The following PCDH9 variants were observed in gnomAD, a reference collection of about 807,000 sequenced individuals.
PCDH9 encodes protocadherin 9.
In PCDH9, 24 loss-of-function variants were observed where a neutral mutation model predicts 70.6. That is an observed-to-expected ratio of 0.34 (90% CI 0.25 to 0.48). The LOEUF (loss-of-function observed/expected upper bound fraction) is 0.48, where lower values mean the gene tolerates loss of function less well. PCDH9 is among the 20% of genes least tolerant of loss of function. The pLI is 0.99. For missense variants in PCDH9, 1,281 were observed against 1,503.6 expected, an observed-to-expected ratio of 0.85 and a Z score of 2.45; for synonymous variants, 562 against 558.5, an observed-to-expected ratio of 1.01 and a Z score of -0.09.
intron 2 of PCDH9, among the ~76,000 whole-genome samples, chr13:67,110,442 A>T (rs2086635520): frequency 7.4e-6 from 1 of 134,910 alleles, no homozygotes; most frequent in African/African-American, 2.8e-5. Context: ...TGAACCCAGG[A>T]GGCTGAGGTT....
intron 3 of PCDH9, among the ~76,000 whole-genome samples, chr13:66,739,532 A>C (rs2079219579): frequency 7.0e-6 from 1 of 143,806 alleles, no homozygotes; most frequent in South Asian, 2.3e-4. Flanking sequence ...CTCCAATTAA[A>C]AGACACAGAC....
At chr13:66,584,703 T>C (rs564250485) in intron 4 of PCDH9, among the ~76,000 whole-genome samples, 105 of 152,302 alleles carry the variant, frequency 6.9e-4, no homozygotes, top group African/African-American at 2.3e-3. Flanking sequence ...TGACTAGTAA[T>C]TCAAACAGCA....
At chr13:66,746,016 A>G (rs905398578) in intron 3 of PCDH9, among the ~76,000 whole-genome samples, 1 of 152,196 alleles carries the variant, frequency 6.6e-6, no homozygotes, top group African/African-American at 2.4e-5. Context: ...CAGAAATACT[A>G]CTACCAACAT....
intron 2 of PCDH9, among the ~76,000 whole-genome samples, chr13:67,161,829 AGT>A (rs1224340428): frequency 6.6e-6 from 1 of 152,196 alleles, no homozygotes; most frequent in Non-Finnish European, 1.5e-5. Flanking sequence ...TCTTACCATT[AGT>A]CTCCCAACTA....
Position 67,225,767 on chromosome 13 carries a change from G to A in PCDH9, c.2674C>T (p.Pro892Ser). The change falls in exon 2 of 5, where the codon CCC becomes TCC. Residue 892 changes from proline (P) to serine (S), a missense_variant. By Grantham distance (74) the Pro-to-Ser change is moderately conservative (BLOSUM62 -1). Coordinates refer to ENST00000377865, the MANE Select transcript of PCDH9 (RefSeq NM_203487.3). ...LNFVTIEESK[P>S]DDAVHEPING... ...ATAGGTTCATGAACTGCATCATCGGGTTTGGACTCTTCGATAGTAACAAAG... is the reference window on the plus strand; with the variant it reads ...ATAGGTTCATGAACTGCATCATCGGATTTGGACTCTTCGATAGTAACAAAG... 1 of 1,614,104 alleles carries A rather than the reference G, an allele frequency of 6.2e-7. No individual in the cohort carries two copies. The highest frequency in any genetic ancestry group is 1.1e-5 in the South Asian group (1 of 91,078).
chr13:66,921,341 G>A (rs189867491), intron 2 of PCDH9, among the ~76,000 whole-genome samples: 1 of 151,244 alleles, frequency 6.6e-6, no homozygotes, highest in Non-Finnish European at 1.5e-5. Flanking sequence ...GTGAGAGAAA[G>A]GGTATTTTTA....
chr13:66,928,075 C>G (rs1431926296), intron 2 of PCDH9, among the ~76,000 whole-genome samples: 1 of 152,094 alleles, frequency 6.6e-6, no homozygotes, highest in Non-Finnish European at 1.5e-5. Flanking sequence ...CATATTTCCT[C>G]TCTCTGAAGA....
At chr13:67,030,489 C>T (rs537038811) in intron 2 of PCDH9, among the ~76,000 whole-genome samples, 1 of 151,908 alleles carries the variant, frequency 6.6e-6, no homozygotes, top group South Asian at 2.1e-4. Flanking sequence ...CCCCCACCAC[C>T]GACCCCCACC....
chr13:66,849,464 C>T (rs2081272288), intron 3 of PCDH9, among the ~76,000 whole-genome samples: 1 of 136,436 alleles, frequency 7.3e-6, no homozygotes, highest in African/African-American at 2.8e-5. Context: ...CAATATATGA[C>T]ATCTATGACA....
intron 3 of PCDH9, among the ~76,000 whole-genome samples, chr13:66,723,928 C>T (rs1209976333): frequency 4.6e-5 from 7 of 152,096 alleles, no homozygotes; most frequent in Admixed American, 6.6e-5. Flanking sequence ...AAGGATAGTC[C>T]TTTAAAATGT....
At chr13:66,515,830 T>C (rs1959705415) in intron 4 of PCDH9, among the ~76,000 whole-genome samples, 1 of 152,034 alleles carries the variant, frequency 6.6e-6, no homozygotes, top group Non-Finnish European at 1.5e-5. Context: ...TTAATAAAAC[T>C]AATTTAGAAA....
intron 4 of PCDH9, among the ~76,000 whole-genome samples, chr13:66,435,716 T>C (rs1470932576): frequency 6.6e-6 from 1 of 152,234 alleles, no homozygotes; most frequent in Non-Finnish European, 1.5e-5. Context: ...AAATGTTGGC[T>C]TTAATGGTGA....
chr13:66,634,692 A>C (rs2077615003), intron 3 of PCDH9, among the ~76,000 whole-genome samples: 1 of 152,200 alleles, frequency 6.6e-6, no homozygotes, highest in African/African-American at 2.4e-5. Flanking sequence ...GATAGTCAAT[A>C]AAAAGTAGCT....
chr13:66,445,187 A>C (rs1231647749), intron 4 of PCDH9, among the ~76,000 whole-genome samples: 1 of 146,922 alleles, frequency 6.8e-6, no homozygotes, highest in Non-Finnish European at 1.5e-5. Flanking sequence ...ATATAAAATC[A>C]CCATGTAGTA....
chr13:66,711,392 C>CAA (rs5804291), intron 3 of PCDH9, among the ~76,000 whole-genome samples: 446 of 128,644 alleles, frequency 3.5e-3, no homozygotes, highest in Middle Eastern at 0.016. Context: ...AAGAAAATTG[C>CAA]AAAAAAAAAA....
intron 4 of PCDH9, among the ~76,000 whole-genome samples, chr13:66,607,194 CT>C (rs2077231868): frequency 6.6e-6 from 1 of 152,020 alleles, no homozygotes; most frequent in Non-Finnish European, 1.5e-5. Flanking sequence ...ATTCAAGACC[CT>C]TTCTTCCACT....
intron 3 of PCDH9, among the ~76,000 whole-genome samples, chr13:66,694,845 G>C (rs1187963771): frequency 1.3e-5 from 2 of 151,122 alleles, no homozygotes; most frequent in Non-Finnish European, 2.9e-5. Flanking sequence ...TCCTCAACAA[G>C]TATTTGCTGA....
chr13:66,958,406 A>ATC (rs2083295623), intron 2 of PCDH9, among the ~76,000 whole-genome samples: 2 of 152,330 alleles, frequency 1.3e-5, no homozygotes, highest in Non-Finnish European at 2.9e-5. Flanking sequence ...TTGATATAGA[A>ATC]TAATTCATTG....
At chr13:66,507,741 A>C (rs1959254196) in intron 4 of PCDH9, among the ~76,000 whole-genome samples, 1 of 148,622 alleles carries the variant, frequency 6.7e-6, no homozygotes, top group South Asian at 2.1e-4. Context: ...TTTGTTTTTG[A>C]GATGGTGTCT....
Sources: allele counts gnomAD v4.1 joint callset (sites outside exome capture counted in the v4.1 genomes callset), GRCh38; gene constraint gnomAD v4.1.1; transcripts MANE v1.5; gene names NCBI Gene and HGNC (gene_info 2026-07-23, HGNC 2026-07-21).